Variants in RBBP6 observed in about 807,000 individuals in gnomAD.
RBBP6 encodes RB binding protein 6, ubiquitin ligase, also known as E3 ubiquitin-protein ligase RBBP6.
In RBBP6, 25 loss-of-function variants were observed where a neutral mutation model predicts 167.7. The ratio of observed to expected loss-of-function variants is 0.15; its 90% CI spans 0.11 to 0.21. The LOEUF is 0.21. Among genes scored for constraint, RBBP6 ranks in the 10% least tolerant of loss-of-function variants. The probability of loss-of-function intolerance (pLI) is 1.00; values close to 1 mark genes in which losing one functional copy is unlikely to be tolerated. For synonymous variants in RBBP6, 789 were observed against 735.8 expected (o/e 1.07, Z -1.17); for missense variants, 1,868 against 2,134.2 (o/e 0.88, Z 2.46).
At position 24,553,515 on chromosome 16, in the gene RBBP6, T is replaced by G; in HGVS notation, c.306T>G (p.Ile102Met). 6.2e-7 allele frequency: 1 copy of G among 1,610,604 alleles called. No individual in the cohort carries two copies. The highest frequency in any genetic ancestry group is 8.5e-7 in the Non-Finnish European group (1 of 1,177,422). ...TGTGTTTAATTTTTTGTGAACAGAT[T>G]GATGACTCTTCCGCGTCTATTTCTC... The part of the protein sequence containing the change: ...TEPAMATTKA[I>M]DDSSASISLA... The change falls in exon 4 of 18, where the codon ATT (isoleucine) becomes ATG (methionine). Residue 102 changes from isoleucine to methionine, a missense_variant and splice_region_variant. Coordinates refer to ENST00000319715, the MANE Select transcript of RBBP6 (RefSeq NM_006910.5).
rs934155473 is a variant in RBBP6 at position 24,562,178 on chromosome 16, T to C, written c.1289+17T>C. On this transcript the variant is annotated intron_variant, in intron 10 of 17. Coordinates refer to ENST00000319715, the MANE Select transcript of RBBP6 (RefSeq NM_006910.5). ...ACCTTTTCGGTAAGCCTGTGTGTTT[T>C]TCACTGTTAGAAACCAAATGAGGTC... 6.3e-7 allele frequency: 1 copy of C among 1,576,272 alleles called. No individual in the cohort carries two copies. Among genetic ancestry groups the C allele is most frequent in the Non-Finnish European group, 8.7e-7 (1 of 1,150,418 alleles).
chr16:24,545,030 C>G (rs1019844517), intron 1 of RBBP6, among the ~76,000 whole-genome samples: 1 of 152,136 alleles, frequency 6.6e-6, no homozygotes, highest in Non-Finnish European at 1.5e-5. Flanking sequence ...GGTTATTAGT[C>G]CCCTGGTTTC....
chr16:24,572,096 T>G lies in RBBP6; in HGVS notation c.5030T>G (p.Leu1677Arg). 2 of 1,614,128 alleles carry G rather than the reference T, an allele frequency of 1.2e-6. No homozygotes were observed. Among genetic ancestry groups the G allele is most frequent in the Non-Finnish European group, 1.7e-6 (2 of 1,180,038 alleles). The change falls in exon 18 of 18, where the codon CTG (leucine) becomes CGG (arginine). Residue 1677 changes from leucine to arginine, a missense_variant. Coordinates refer to ENST00000319715, the MANE Select transcript of RBBP6 (RefSeq NM_006910.5). ...ATAGTGGAGAAAGCAAAAGAGAGCC[T>G]GGACACAGCAGCAGTTGTCCAGGTG... Reference protein sequence around the residue: ...DKIVEKAKESLDTAAVVQVGI... With the variant: ...DKIVEKAKESRDTAAVVQVGI...
At chr16:24,568,671 C>G in intron 16 of RBBP6, 74 bp from the exon 17 acceptor site, 1 of 1,497,776 alleles carries the variant, frequency 6.7e-7, no homozygotes, top group Non-Finnish European at 8.9e-7. Context: ...GGAAAGAATG[C>G]TAGAATCTGA....
chr16:24,561,274 G>GT (rs931320437), intron 8 of RBBP6, among the ~76,000 whole-genome samples: 12 of 151,894 alleles, frequency 7.9e-5, no homozygotes, highest in Admixed American at 2.0e-4. Flanking sequence ...AAAAGATGGG[G>GT]TGGGGGATCC....
rs1899260638 is a variant in RBBP6 at position 24,569,002 on chromosome 16, G to T, written c.2312G>T (p.Arg771Ile). ...PPYRRYHSRS[R>I]SPQAFRGQSP... is the part of the protein sequence containing the mutation. ...TACAGACGCTATCATTCACGATCAA[G>T]ATCTCCTCAAGCGTTTAGGGGACAG... is the stretch of plus-strand genomic sequence containing the variant. The change falls in exon 17 of 18, where the codon AGA (arginine) becomes ATA (isoleucine). Residue 771 changes from arginine (R) to isoleucine (I), a missense_variant. This residue lies in a region of RBBP6 where 673 missense variants were observed against 691.5 expected (regional missense o/e 0.97). Transcript: ENST00000319715. The T allele has an allele frequency of 1.2e-6, 2 of 1,614,128 alleles. No individual in the cohort carries two copies. The highest frequency in any genetic ancestry group is 1.3e-5 in the African/African-American group (1 of 75,052).
rs1010162051 is a variant in RBBP6, at chr16:24,559,646, T to C, written c.816T>C (p.Ile272=). The part of the protein sequence containing the change: ...CKDIMTDAVV[I]PCCGNSYCDE... ...ATATTATGACTGATGCTGTTGTGAT[T>C]CCCTGCTGTGGAAACAGTTACTGTG... Residue 272 remains isoleucine, a synonymous_variant, in exon 8 of 18, where the codon ATT becomes ATC. Coordinates refer to ENST00000319715, the MANE Select transcript of RBBP6 (RefSeq NM_006910.5). 11 of 1,576,686 alleles carry C rather than the reference T, an allele frequency of 7.0e-6. No homozygotes were observed. The highest frequency in any genetic ancestry group is 3.5e-5 in the Admixed American group (2 of 56,426).
At chr16:24,554,040 G>A (rs1898860275) in intron 4 of RBBP6, 1 of 152,734 alleles carries the variant, frequency 6.5e-6, no homozygotes, top group Non-Finnish European at 1.5e-5. Flanking sequence ...TAGTCTGTCT[G>A]CATTAGGAAA....
chr16:24,558,400 T>TA, intron 7 of RBBP6: 1 of 785,276 alleles, frequency 1.3e-6, no homozygotes, highest in Non-Finnish European at 1.5e-6. Flanking sequence ...TTTTTTTTTC[T>TA]TTTTTCTCTC....
intron 4 of RBBP6, 161 bp downstream of exon 4, chr16:24,553,718 A>G (rs1898852647): frequency 2.3e-6 from 1 of 432,042 alleles, no homozygotes; most frequent in African/African-American, 2.0e-5. Flanking sequence ...TTTTGAGAAG[A>G]TAGGGGAATA....
intron 7 of RBBP6, chr16:24,558,408 C>A (rs1295607207): frequency 1.8e-3 from 968 of 545,074 alleles, no homozygotes; most frequent in Non-Finnish European, 2.0e-3. Context: ...TCTTTTTTCT[C>A]TCTTTTGGGC....
In RBBP6 at chr16:24,570,517, G is replaced by C; in HGVS notation, c.3809+18G>C. ...TACACCAGGTAGCTGAGTGTAGGGGGTGGGTGTGGAACTTTGTTGGGAGAA... is the reference window on the plus strand; with the variant it reads ...TACACCAGGTAGCTGAGTGTAGGGGCTGGGTGTGGAACTTTGTTGGGAGAA... On this transcript the variant is annotated intron_variant, in intron 17 of 17. Coordinates refer to ENST00000319715, the MANE Select transcript of RBBP6 (RefSeq NM_006910.5). The C allele has an allele frequency of 6.5e-7, 1 of 1,540,536 alleles. No homozygotes were observed. The highest frequency in any genetic ancestry group is 8.7e-7 in the Non-Finnish European group (1 of 1,153,358).
chr16:24,544,362 A>G (rs973356636), intron 1 of RBBP6, among the ~76,000 whole-genome samples: 9 of 152,226 alleles, frequency 5.9e-5, no homozygotes, highest in African/African-American at 2.2e-4. Context: ...AATCTAGGAA[A>G]TTGCCTACCT....
chr16:24,540,933 C>A, intron 1 of RBBP6, 141 bp downstream of exon 1: 1 of 1,056,262 alleles, frequency 9.5e-7, no homozygotes, highest in Non-Finnish European at 1.3e-6. Flanking sequence ...TCATTGATAG[C>A]CAAGGTTTGC....
intron 13 of RBBP6, 62 bp from the exon 14 acceptor site, chr16:24,564,735 G>C (rs1899152019): frequency 6.5e-7 from 1 of 1,539,162 alleles, no homozygotes; most frequent in Admixed American, 1.9e-5. Flanking sequence ...GCTATGCATG[G>C]AAAGGTCATG....
At chr16:24,546,849 G>A (rs1211848268) in intron 2 of RBBP6, among the ~76,000 whole-genome samples, 2 of 152,192 alleles carry the variant, frequency 1.3e-5, no homozygotes, top group African/African-American at 2.4e-5. Context: ...AGGGACGTGA[G>A]TACTTAACTC....
At chr16:24,550,115 A>G (rs564029024) in intron 3 of RBBP6, among the ~76,000 whole-genome samples, 1 of 152,098 alleles carries the variant, frequency 6.6e-6, no homozygotes, top group Non-Finnish European at 1.5e-5. Context: ...TTTAGAATTC[A>G]AGGGTATTGC....
intron 5 of RBBP6, 26 bp from the exon 6 acceptor site, chr16:24,555,795 C>T (rs1416569386): frequency 1.9e-6 from 3 of 1,584,098 alleles, no homozygotes; most frequent in Admixed American, 3.3e-5. Flanking sequence ...TCCTCGTATA[C>T]ATGTAATTTT....
rs780092897 is a variant in RBBP6, at chr16:24,571,298, TGGAAAA to T, written c.4236_4241del (p.Lys1413_Glu1414del). 8 of 1,613,786 alleles carry T rather than the reference TGGAAAA, an allele frequency of 5.0e-6. No individual in the cohort carries two copies. The Admixed American group carries it at 5.0e-5, about 10-fold the overall frequency. On this transcript the variant is annotated inframe_deletion, in exon 18 of 18. Transcript: ENST00000319715. ...ACCAAAGATCGAGATTATTCAGTGTTGGAAAAGGAGAACCCTGAAAAGAGGAAGAAC... is the reference window on the plus strand; with the variant it reads ...ACCAAAGATCGAGATTATTCAGTGTTGGAGAACCCTGAAAAGAGGAAGAAC...
Sources: allele counts gnomAD v4.1 joint callset (sites outside exome capture counted in the v4.1 genomes callset), GRCh38; gene constraint gnomAD v4.1.1; regional missense constraint gnomAD v4.1.1; transcripts MANE v1.5; gene names NCBI Gene and HGNC (gene_info 2026-07-23, HGNC 2026-07-21).